RIMS1: variants seen among roughly 807,000 people sequenced by gnomAD.
The protein encoded by RIMS1 is regulating synaptic membrane exocytosis protein 1.
In RIMS1, 83 loss-of-function variants were observed where a neutral mutation model predicts 214.1. The observed-to-expected ratio is 0.39, with a 90% CI of 0.32 to 0.47. RIMS1 has a LOEUF of 0.47. RIMS1 is among the 20% of genes least tolerant of loss of function. The pLI, the probability that RIMS1 is intolerant of heterozygous loss-of-function variation, is 0.99. For synonymous variants in RIMS1, 793 were observed against 786.8 expected (o/e 1.01, Z -0.13); for missense variants, 2,050 against 2,161.8 (o/e 0.95, Z 1.03).
At chr6:72,109,419 T>A (rs2035531794) in intron 4 of RIMS1, among the ~76,000 whole-genome samples, 2 of 152,118 alleles carry the variant, frequency 1.3e-5, no homozygotes, top group Non-Finnish European at 2.9e-5. Flanking sequence ...GGTATCTCAT[T>A]GTGGTTTTGA....
intron 4 of RIMS1, among the ~76,000 whole-genome samples, chr6:72,173,101 C>A (rs887978522): frequency 1.3e-5 from 2 of 152,016 alleles, no homozygotes; most frequent in Non-Finnish European, 2.9e-5. Flanking sequence ...GATGGTTTAC[C>A]TATATATAAA....
At chr6:72,110,376 T>G (rs1326234210) in intron 4 of RIMS1, among the ~76,000 whole-genome samples, 2 of 151,640 alleles carry the variant, frequency 1.3e-5, no homozygotes, top group African/African-American at 4.8e-5. Context: ...CTTTTATTTC[T>G]TTGAGCAGTG....
chr6:72,398,308 G>A lies in RIMS1; in HGVS notation c.4678G>A (p.Ala1560Thr). Residue 1560 changes from alanine (A) to threonine (T), a missense_variant, in exon 32 of 34, where the codon GCA becomes ACA. Physicochemically the swap from Ala to Thr is moderately conservative, Grantham distance 58. Transcript: ENST00000521978. ...KGQLEVEVIR[A>T]RSLTQKPGSK... Reference sequence around the variant, plus strand: ...CCAATTAGAAGTGGAAGTCATTAGAGCACGAAGCCTCACACAAAAGCCTGG... The same window carrying A: ...CCAATTAGAAGTGGAAGTCATTAGAACACGAAGCCTCACACAAAAGCCTGG... 1 of 1,609,040 alleles carries A rather than the reference G, an allele frequency of 6.2e-7. No individual in the cohort carries two copies. Among genetic ancestry groups the A allele is most frequent in the East Asian group, 2.2e-5 (1 of 44,758 alleles).
chr6:72,173,068 C>G (rs1240917548), intron 4 of RIMS1, among the ~76,000 whole-genome samples: 2 of 152,098 alleles, frequency 1.3e-5, no homozygotes, highest in Non-Finnish European at 2.9e-5. Context: ...CTGAAAATTT[C>G]TTAAACTGCC....
rs1795351955 is a variant in RIMS1 at position 71,969,664 on chromosome 6, C to G, written c.245+601C>G. ...TCTCTACTAAAAATACAAAAATTAG[C>G]TGGGCGTGGTAGTGGGCATCTGTAA... is the stretch of plus-strand genomic sequence containing the variant. On this transcript the variant is annotated intron_variant, in intron 2 of 33. Transcript: ENST00000521978. Among the ~76,000 whole-genome samples the G allele has an allele frequency of 1.3e-5, 2 of 152,036 alleles. 1 individual carries two copies. The highest frequency in any genetic ancestry group is 4.8e-5 in the African/African-American group (2 of 41,394).
intron 26 of RIMS1, among the ~76,000 whole-genome samples, chr6:72,293,353 C>T (rs1456956831): frequency 6.6e-6 from 1 of 151,832 alleles, no homozygotes; most frequent in African/African-American, 2.4e-5. Context: ...ACATGTTTAA[C>T]ATTTTTCCTC....
intron 4 of RIMS1, among the ~76,000 whole-genome samples, chr6:72,139,386 TC>T (rs1329530788): frequency 1.3e-5 from 2 of 152,234 alleles, no homozygotes; most frequent in Non-Finnish European, 2.9e-5. Flanking sequence ...GTGCCTCTGC[TC>T]ATTTGGCATC....
intron 6 of RIMS1, among the ~76,000 whole-genome samples, chr6:72,227,632 C>G (rs994101371): frequency 1.1e-4 from 16 of 151,936 alleles, no homozygotes; most frequent in Non-Finnish European, 2.2e-4. Context: ...CTTTCCTGGA[C>G]CAGCTACTGA....
intron 29 of RIMS1, among the ~76,000 whole-genome samples, chr6:72,385,949 CAGTT>C (rs1202120464): frequency 6.6e-6 from 1 of 152,114 alleles, no homozygotes; most frequent in South Asian, 2.1e-4. Context: ...AATAAGACAA[CAGTT>C]AGATGTCAGT....
intron 1 of RIMS1, among the ~76,000 whole-genome samples, chr6:71,950,051 T>A (rs2060075326): frequency 6.6e-6 from 1 of 152,128 alleles, no homozygotes; most frequent in Non-Finnish European, 1.5e-5. Context: ...CAACTACTGA[T>A]ACATGCAAAT....
intron 2 of RIMS1, among the ~76,000 whole-genome samples, chr6:71,976,112 T>G (rs367554221): frequency 6.6e-6 from 1 of 152,114 alleles, no homozygotes; most frequent in African/African-American, 2.4e-5. Context: ...AACTGTATGT[T>G]TAACTTTTTG....
At position 72,183,204 on chromosome 6, in the gene RIMS1, C is replaced by G. The variant is rs2048591487; in HGVS notation, c.1678+55C>G. On this transcript the variant is annotated intron_variant, in intron 6 of 33. Transcript: ENST00000521978. ...CTTCAGCCAAGTGAAGAGGCGTGGG[C>G]AGAGGTGCAGGTGCTAGGCTAGTTG... is the stretch of plus-strand genomic sequence containing the variant. 5.2e-6 allele frequency: 8 copies of G among 1,546,050 alleles called. No homozygotes were observed. The Admixed American group carries it at 1.1e-4, about 22-fold the overall frequency.
Position 72,265,862 on chromosome 6 carries a change from G to A in RIMS1, c.3309-98G>A, listed in dbSNP as rs2080281624. ...CCAGTGATTCTACATTTTGTGTAAA[G>A]GGGACATTATTTTATGCTTTACTCT... On this transcript the variant is annotated intron_variant, in intron 21 of 33. Coordinates refer to ENST00000521978, the MANE Select transcript of RIMS1 (RefSeq NM_014989.7). 7.8e-6 allele frequency: 6 copies of A among 773,838 alleles called. No individual in the cohort carries two copies. The South Asian group carries it at 8.7e-5, about 11-fold the overall frequency. 47.9% of individuals were successfully genotyped at this position (773,838 alleles called of 1,614,324 possible). A position where few individuals can be genotyped will look rare whatever the true frequency, so the allele number is the denominator to read the frequency against.
intron 29 of RIMS1, among the ~76,000 whole-genome samples, chr6:72,361,062 T>C (rs1413188719): frequency 6.7e-6 from 1 of 149,914 alleles, no homozygotes; most frequent in East Asian, 1.9e-4. Context: ...TGATAACTTT[T>C]TGAGTAATCT....
chr6:72,022,121 T>A (rs114285749), intron 2 of RIMS1, among the ~76,000 whole-genome samples: 1,841 of 152,294 alleles, frequency 0.012, 42 homozygotes, highest in African/African-American at 0.041. Context: ...AAAAGAACTA[T>A]GAAGTGTTAA....
intron 6 of RIMS1, among the ~76,000 whole-genome samples, chr6:72,227,528 T>TG (rs2060569971): frequency 1.3e-5 from 2 of 151,956 alleles, no homozygotes; most frequent in Admixed American, 6.6e-5. Flanking sequence ...GTCATGGTGG[T>TG]GTTTGCATCC....
At chr6:72,083,051 G>C (rs1833802840) in intron 2 of RIMS1, among the ~76,000 whole-genome samples, 1 of 152,130 alleles carries the variant, frequency 6.6e-6, no homozygotes, top group Non-Finnish European at 1.5e-5. Context: ...GGTAACACAT[G>C]CCTGAACATA....
intron 2 of RIMS1, among the ~76,000 whole-genome samples, chr6:71,969,633 AC>A (rs961048775): frequency 2.0e-5 from 3 of 152,018 alleles, no homozygotes; most frequent in African/African-American, 7.2e-5. Flanking sequence ...ATATGGTGAA[AC>A]CCCGTCTCTA....
At chr6:71,970,561 TTAGA>T (rs1378068834) in intron 2 of RIMS1, among the ~76,000 whole-genome samples, 4 of 152,308 alleles carry the variant, frequency 2.6e-5, no homozygotes, top group Non-Finnish European at 4.4e-5. Context: ...AAACAAGACA[TTAGA>T]TAATTTTTCT....
Sources: gnomAD v4.1 joint callset for allele counts (sites outside exome capture counted in the v4.1 genomes callset) on GRCh38, gnomAD v4.1.1 for gene constraint, MANE v1.5 for transcripts, NCBI Gene and HGNC (gene_info 2026-07-23, HGNC 2026-07-21) for gene names.